The following GFRAL variants were observed in gnomAD, a reference collection of about 807,000 sequenced individuals.
The protein encoded by GFRAL is GDNF family receptor alpha-like.
A neutral mutation model predicts 45.4 loss-of-function variants in GFRAL; 36 were observed. The ratio of observed to expected loss-of-function variants is 0.79; its 90% confidence interval spans 0.61 to 1.05. GFRAL has a LOEUF of 1.05. Ranked by LOEUF, GFRAL falls within the 50% of genes least tolerant of loss-of-function variation. The probability of loss-of-function intolerance (pLI) is 0.00; values close to 1 mark genes in which losing one functional copy is unlikely to be tolerated. For missense variants in GFRAL, 507 were observed against 467.5 expected (o/e 1.08, Z -0.78); for synonymous variants, 166 against 154.1 (o/e 1.08, Z -0.57).
chr6:55,338,056 T>C (rs147759922), intron 3 of GFRAL, among the ~76,000 whole-genome samples: 1,988 of 152,220 alleles, frequency 0.013, 23 homozygotes, highest in Non-Finnish European at 0.022. Context: ...TTTCTCCTTT[T>C]CTTTGTGACT....
intron 6 of GFRAL, among the ~76,000 whole-genome samples, chr6:55,389,804 G>A (rs1454876291): frequency 6.6e-6 from 1 of 152,120 alleles, no homozygotes; most frequent in Non-Finnish European, 1.5e-5. Flanking sequence ...TGACAAATCA[G>A]CTGGAAAATC....
At chr6:55,395,297 A>G (rs1252305670) in intron 6 of GFRAL, among the ~76,000 whole-genome samples, 2 of 151,468 alleles carry the variant, frequency 1.3e-5, no homozygotes, top group Non-Finnish European at 2.9e-5. Context: ...ATCAGTGGTA[A>G]TGTCATTTAT....
intron 6 of GFRAL, among the ~76,000 whole-genome samples, chr6:55,375,271 C>A (rs1179923341): frequency 6.6e-6 from 1 of 152,094 alleles, no homozygotes; most frequent in Non-Finnish European, 1.5e-5. Context: ...AATGTTTCTT[C>A]ATTTGTTTGC....
At chr6:55,358,078 A>G (rs530233699) in intron 5 of GFRAL, among the ~76,000 whole-genome samples, 15 of 151,902 alleles carry the variant, frequency 9.9e-5, no homozygotes, top group African/African-American at 3.1e-4. Context: ...ATCCTTTAAG[A>G]TGAGTTAAAT....
At chr6:55,392,984 A>C (rs3846916) in intron 6 of GFRAL, among the ~76,000 whole-genome samples, 33,327 of 152,072 alleles carry the variant, frequency 0.22, 4,850 homozygotes, top group African/African-American at 0.42. Flanking sequence ...ATTGTCGTAC[A>C]TAGCGTTTGC....
At chr6:55,367,929 C>T (rs1034140126) in intron 6 of GFRAL, among the ~76,000 whole-genome samples, 3 of 148,366 alleles carry the variant, frequency 2.0e-5, no homozygotes, top group Admixed American at 6.7e-5. Context: ...CTTGGAGTTG[C>T]TCTTCTCGAG....
chr6:55,381,201 A>G (rs1275316759), intron 6 of GFRAL, among the ~76,000 whole-genome samples: 1 of 151,904 alleles, frequency 6.6e-6, no homozygotes, highest in East Asian at 1.9e-4. Context: ...ATGACAGAAG[A>G]TTGTTCCCAA....
At chr6:55,397,398 G>A (rs1209907581) in intron 6 of GFRAL, among the ~76,000 whole-genome samples, 1 of 147,032 alleles carries the variant, frequency 6.8e-6, no homozygotes, top group Admixed American at 6.8e-5. Flanking sequence ...GGCGCCTGTA[G>A]TCCCAGCTAC....
intron 6 of GFRAL, among the ~76,000 whole-genome samples, chr6:55,372,097 C>T (rs1048136192): frequency 8.5e-5 from 13 of 152,200 alleles, no homozygotes; most frequent in African/African-American, 2.7e-4. Context: ...AAGCTACCTT[C>T]AAGAACAATT....
At chr6:55,334,100 G>A (rs1011427506) in intron 3 of GFRAL, among the ~76,000 whole-genome samples, 156 bp downstream of exon 3, 3 of 151,982 alleles carry the variant, frequency 2.0e-5, no homozygotes, top group Admixed American at 6.6e-5. Flanking sequence ...TATATAGTAG[G>A]TGTATCTATT....
intron 6 of GFRAL, among the ~76,000 whole-genome samples, chr6:55,395,174 A>C (rs1286671299): frequency 8.0e-6 from 1 of 124,816 alleles, no homozygotes; most frequent in Non-Finnish European, 1.7e-5. Context: ...AAAAAAAAAA[A>C]AATATATATA....
chr6:55,393,292 A>G (rs1581761271), intron 6 of GFRAL, among the ~76,000 whole-genome samples: 1 of 152,204 alleles, frequency 6.6e-6, no homozygotes. Flanking sequence ...ACTAAAATGC[A>G]TATATTACAT....
At chr6:55,345,848 GA>G (rs1156789735) in intron 3 of GFRAL, among the ~76,000 whole-genome samples, 1 of 151,634 alleles carries the variant, frequency 6.6e-6, no homozygotes, top group Non-Finnish European at 1.5e-5. Context: ...AAATTTACAA[GA>G]AAAAAACAAC....
In GFRAL at chr6:55,395,162, GAAA is replaced by G. The variant is rs869161118; in HGVS notation, c.953-4006_953-4004del. On this transcript the variant is annotated intron_variant, in intron 6 of 8. Coordinates refer to ENST00000340465, the MANE Select transcript of GFRAL (RefSeq NM_207410.2). ...CCCTGTTGTTTTCAATCAGCCTATG[GAAA>G]AAAAAAAAAAATATATATATATATA... Among the ~76,000 whole-genome samples, 536 of 125,172 alleles carry G rather than the reference GAAA, an allele frequency of 4.3e-3. 7 individuals carry two copies. The highest frequency in any genetic ancestry group is 0.017 in the African/African-American group (519 of 30,044). 82.1% of individuals were successfully genotyped at this position (125,172 alleles called of 152,430 possible).
intron 3 of GFRAL, among the ~76,000 whole-genome samples, chr6:55,344,722 A>T (rs1410377228): frequency 1.3e-5 from 2 of 152,358 alleles, no homozygotes; most frequent in East Asian, 1.9e-4. Flanking sequence ...AATAAAGGGT[A>T]TTCAATTAGG....
At chr6:55,341,513 C>A (rs940134423) in intron 3 of GFRAL, among the ~76,000 whole-genome samples, 32 of 152,142 alleles carry the variant, frequency 2.1e-4, no homozygotes, top group African/African-American at 7.2e-4. Context: ...CACACCAAAA[C>A]CCCATCTATA....
intron 3 of GFRAL, among the ~76,000 whole-genome samples, chr6:55,342,719 G>A (rs993597583): frequency 3.3e-5 from 5 of 152,098 alleles, no homozygotes; most frequent in African/African-American, 1.2e-4. Context: ...CCAATTAAAA[G>A]ACACAGACTG....
intron 6 of GFRAL, among the ~76,000 whole-genome samples, chr6:55,380,870 G>A (rs971988850): frequency 6.6e-6 from 1 of 151,934 alleles, no homozygotes; most frequent in Non-Finnish European, 1.5e-5. Flanking sequence ...TCCTAATACT[G>A]CTTCTCTATT....
intron 3 of GFRAL, among the ~76,000 whole-genome samples, chr6:55,345,625 T>C (rs1237233107): frequency 1.3e-5 from 2 of 152,166 alleles, no homozygotes; most frequent in Non-Finnish European, 2.9e-5. Flanking sequence ...ATTCAGGAGA[T>C]AGGCACGGGC....
Sources: gnomAD v4.1 joint callset for allele counts (sites outside exome capture counted in the v4.1 genomes callset) on GRCh38, gnomAD v4.1.1 for gene constraint, MANE v1.5 for transcripts, NCBI Gene and HGNC (gene_info 2026-07-23, HGNC 2026-07-21) for gene names.